The following CNTNAP2 variants were observed in gnomAD, a reference collection of about 807,000 sequenced individuals.
The protein encoded by CNTNAP2 is contactin associated protein 2.
Under a neutral mutation model 155.2 loss-of-function variants are expected in CNTNAP2, and 98 were observed. The observed-to-expected ratio is 0.63, with a 90% CI of 0.54 to 0.75. CNTNAP2 has a LOEUF of 0.75. Ranked by LOEUF, CNTNAP2 falls within the 30% of genes least tolerant of loss-of-function variation. The pLI is 0.00. For missense variants in CNTNAP2, 1,727 were observed against 1,688.1 expected, an observed-to-expected ratio of 1.02 and a Z score of -0.40; for synonymous variants, 651 against 631.2, an observed-to-expected ratio of 1.03 and a Z score of -0.47.
rs200645436 is a variant in CNTNAP2 at position 146,269,138 on chromosome 7, G to A, written c.97+152165G>A. ...GGGCAGGTCACGAGGTCAGGAGATC[G>A]AGACAATCCTGGCCAACATGGTCAA... On this transcript the variant is annotated intron_variant, in intron 1 of 23. Transcript: ENST00000361727. Among the ~76,000 whole-genome samples the A allele has an allele frequency of 2.6e-5, 4 of 152,066 alleles. No homozygotes were observed. In the East Asian group the frequency reaches 7.7e-4, roughly 29 times the overall value.
At chr7:147,159,935 A>C (rs960641358) in intron 8 of CNTNAP2, among the ~76,000 whole-genome samples, 32 of 148,120 alleles carry the variant, frequency 2.2e-4, no homozygotes, top group Non-Finnish European at 3.1e-4. Context: ...ATATGAATCA[A>C]AGTTTTTTTT....
chr7:147,137,720 G>A (rs980326159), intron 8 of CNTNAP2, among the ~76,000 whole-genome samples: 5 of 151,848 alleles, frequency 3.3e-5, no homozygotes, highest in African/African-American at 1.2e-4. Context: ...GCAGAAATTT[G>A]GAGGTTGTGT....
At chr7:146,286,978 A>C (rs1284988957) in intron 1 of CNTNAP2, among the ~76,000 whole-genome samples, 3 of 152,086 alleles carry the variant, frequency 2.0e-5, no homozygotes, top group African/African-American at 7.2e-5. Context: ...AATTCCCCCC[A>C]AAACAGGTGA....
At chr7:146,738,756 A>G (rs1357230871) in intron 1 of CNTNAP2, among the ~76,000 whole-genome samples, 9 of 151,580 alleles carry the variant, frequency 5.9e-5, no homozygotes, top group African/African-American at 1.9e-4. Flanking sequence ...CCAAACAGCT[A>G]TCAGGTTCTG....
chr7:146,309,027 C>A (rs1362103987), intron 1 of CNTNAP2, among the ~76,000 whole-genome samples: 2 of 151,976 alleles, frequency 1.3e-5, no homozygotes, highest in Non-Finnish European at 2.9e-5. Context: ...CAGCAAACAA[C>A]AGACTATCTT....
At chr7:146,315,479 T>C (rs114414609) in intron 1 of CNTNAP2, among the ~76,000 whole-genome samples, 3,874 of 152,098 alleles carry the variant, frequency 0.025, 165 homozygotes, top group African/African-American at 0.089. Context: ...TTCTACTCAT[T>C]TGGGTGTATT....
At chr7:148,046,692 A>C (rs1802781277) in intron 15 of CNTNAP2, among the ~76,000 whole-genome samples, 1 of 152,236 alleles carries the variant, frequency 6.6e-6, no homozygotes, top group African/African-American at 2.4e-5. Context: ...TACATATTTC[A>C]TAACATGCTT....
At chr7:146,183,975 C>T (rs981503433) in intron 1 of CNTNAP2, among the ~76,000 whole-genome samples, 3 of 152,074 alleles carry the variant, frequency 2.0e-5, no homozygotes, top group Non-Finnish European at 4.4e-5. Context: ...GATCTCTGCC[C>T]GGAAGTATGG....
chr7:146,939,433 C>T (rs112834687), intron 3 of CNTNAP2, among the ~76,000 whole-genome samples: 4,513 of 152,142 alleles, frequency 0.03, 106 homozygotes, highest in Middle Eastern at 0.085. Context: ...ATAATGAAGG[C>T]GACATTAAAA....
intron 10 of CNTNAP2, among the ~76,000 whole-genome samples, chr7:147,432,233 C>T (rs1237241277): frequency 6.6e-6 from 1 of 152,084 alleles, no homozygotes; most frequent in Admixed American, 6.6e-5. Context: ...GTTTGGTGAG[C>T]ATTCCTGGCC....
At chr7:146,167,212 A>G (rs1377870203) in intron 1 of CNTNAP2, among the ~76,000 whole-genome samples, 2 of 152,374 alleles carry the variant, frequency 1.3e-5, no homozygotes, top group Non-Finnish European at 2.9e-5. Context: ...GTGAATTCCC[A>G]TAGCTCTAGT....
At chr7:147,310,035 G>T (rs1000283854) in intron 9 of CNTNAP2, among the ~76,000 whole-genome samples, 16 of 152,148 alleles carry the variant, frequency 1.1e-4, no homozygotes, top group African/African-American at 3.9e-4. Flanking sequence ...CATTGAAATT[G>T]AACATATTAA....
At chr7:147,806,564 A>C (rs2116599906) in intron 13 of CNTNAP2, among the ~76,000 whole-genome samples, 1 of 152,358 alleles carries the variant, frequency 6.6e-6, no homozygotes, top group African/African-American at 2.4e-5. Flanking sequence ...TTATTGCAGC[A>C]CTATTTGCAG....
At chr7:148,384,654 G>A (rs528399092) in intron 22 of CNTNAP2, among the ~76,000 whole-genome samples, 4 of 152,206 alleles carry the variant, frequency 2.6e-5, no homozygotes, top group African/African-American at 7.2e-5. Flanking sequence ...AGTGACCTCC[G>A]AATCCAACAT....
intron 3 of CNTNAP2, among the ~76,000 whole-genome samples, chr7:147,018,769 C>T (rs1024676): frequency 0.37 from 56,109 of 151,736 alleles, 10,570 homozygotes; most frequent in South Asian, 0.44. Context: ...AAATAAAGAG[C>T]CGCTATGTTC....
intron 3 of CNTNAP2, among the ~76,000 whole-genome samples, chr7:146,962,304 A>G (rs556605030): frequency 3.3e-5 from 5 of 152,296 alleles, no homozygotes; most frequent in African/African-American, 1.2e-4. Context: ...TCTTTAACAC[A>G]GTCTATTTTT....
rs981743017 is a variant in CNTNAP2, at chr7:147,629,624, G to C, written c.1898-9482G>C. ...ACTTAAGAAAATAAAAAGTATATCAGGTATTCTCTCAGACCACAGTGGAAA... is the reference window on the plus strand; with the variant it reads ...ACTTAAGAAAATAAAAAGTATATCACGTATTCTCTCAGACCACAGTGGAAA... On this transcript the variant is annotated intron_variant, in intron 12 of 23. Transcript: ENST00000361727. 4.0e-5 allele frequency among the ~76,000 whole-genome samples: 6 copies of C among 151,690 alleles called. No homozygotes were observed. The East Asian group carries it at 1.2e-3, about 29-fold the overall frequency.
chr7:147,810,737 G>C (rs982187310), intron 13 of CNTNAP2, among the ~76,000 whole-genome samples: 6 of 152,178 alleles, frequency 3.9e-5, no homozygotes, highest in Non-Finnish European at 8.8e-5. Flanking sequence ...TTCAAATGCA[G>C]TTTTATCTTC....
rs1349118167 is a variant in CNTNAP2 at position 146,770,347 on chromosome 7, CACAT to C, written c.98-3922_98-3919del. Among the ~76,000 whole-genome samples, 1,252 of 149,134 alleles carry C rather than the reference CACAT, an allele frequency of 8.4e-3. 16 individuals are homozygous for C. Among genetic ancestry groups the C allele is most frequent in the African/African-American group, 0.03 (1,170 of 39,292 alleles). On this transcript the variant is annotated intron_variant, in intron 1 of 23. Coordinates refer to ENST00000361727, the MANE Select transcript of CNTNAP2 (RefSeq NM_014141.6). ...ACACACACACACACACACACACACA[CACAT>C]ATACATATAATCTGCCTGAAGTAGT...
Sources: gnomAD v4.1 joint callset for allele counts (sites outside exome capture counted in the v4.1 genomes callset) on GRCh38, gnomAD v4.1.1 for gene constraint, MANE v1.5 for transcripts, NCBI Gene and HGNC (gene_info 2026-07-23, HGNC 2026-07-21) for gene names.